CDH19: variants seen among roughly 807,000 people sequenced by gnomAD.
The protein encoded by CDH19 is cadherin-19.
CDH19 carries 67 observed loss-of-function variants against 64.2 expected under a neutral mutation model. That is an observed-to-expected ratio of 1.04 (90% CI 0.86 to 1.28). The LOEUF (loss-of-function observed/expected upper bound fraction) is 1.28. CDH19 is among the 50% of genes most tolerant of loss of function. The pLI is 0.00. For synonymous variants in CDH19, 346 were observed against 319.3 expected (o/e 1.08, Z -0.89); for missense variants, 1,030 against 929.0 (o/e 1.11, Z -1.41).
At chr18:66,534,000 T>C (rs1484458891) in intron 8 of CDH19, among the ~76,000 whole-genome samples, 1 of 151,902 alleles carries the variant, frequency 6.6e-6, no homozygotes, top group Non-Finnish European at 1.5e-5. Flanking sequence ...ATGGGCTTAA[T>C]GATGTAGAAT....
chr18:66,584,595 G>T (rs117680442), intron 1 of CDH19, among the ~76,000 whole-genome samples: 5 of 151,888 alleles, frequency 3.3e-5, no homozygotes, highest in African/African-American at 1.2e-4. Flanking sequence ...TACCATAAAG[G>T]TACACGAATG....
In CDH19 at chr18:66,550,081, A is replaced by G. The variant is rs183865386; in HGVS notation, c.775+1013T>C. 2.4e-4 allele frequency among the ~76,000 whole-genome samples: 36 copies of G among 152,268 alleles called. No individual in the cohort carries two copies. In the East Asian group the frequency reaches 4.1e-3, roughly 17 times the overall value. On this transcript the variant is annotated intron_variant, in intron 5 of 11. Coordinates refer to ENST00000262150, the MANE Select transcript of CDH19 (RefSeq NM_021153.4). Reference sequence around the variant, plus strand: ...TAACTAAGAAATCATGCTATGGTATATATTTTTATTGGCTCTTTTCTTTGT... The same window carrying G: ...TAACTAAGAAATCATGCTATGGTATGTATTTTTATTGGCTCTTTTCTTTGT...
rs1327559327 is a variant in CDH19, at chr18:66,544,093, A to G, written c.1092T>C (p.Val364=). Residue 364 remains valine, a synonymous_variant, in exon 7 of 12, where the codon GTT becomes GTC. Coordinates refer to ENST00000262150, the MANE Select transcript of CDH19 (RefSeq NM_021153.4). ...GAAGGAGGAAAAGAGGAGGCTCATC[A>G]ACATCTTCCACCTGGATCTTAATGA... ...TTFIKIQVED[V]DEPPLFLLPY... is the part of the protein sequence containing the mutation. 1 of 1,613,922 alleles carries G rather than the reference A, an allele frequency of 6.2e-7. No homozygotes were observed. Among genetic ancestry groups the G allele is most frequent in the African/African-American group, 1.3e-5 (1 of 74,890 alleles).
intron 5 of CDH19, among the ~76,000 whole-genome samples, chr18:66,550,118 T>C (rs1987286184): frequency 6.6e-6 from 1 of 152,152 alleles, no homozygotes; most frequent in African/African-American, 2.4e-5. Context: ...CCATGCTAAT[T>C]AAATTTTCTT....
At chr18:66,587,455 A>G (rs1053463044) in intron 1 of CDH19, among the ~76,000 whole-genome samples, 13 of 152,126 alleles carry the variant, frequency 8.5e-5, no homozygotes, top group African/African-American at 3.1e-4. Flanking sequence ...GACTAATCGG[A>G]TGAAATGGCT....
intron 9 of CDH19, among the ~76,000 whole-genome samples, chr18:66,521,530 T>A (rs200476309): frequency 2.2e-3 from 319 of 144,546 alleles, no homozygotes; most frequent in Middle Eastern, 7.1e-3. Context: ...TTATTTTGTT[T>A]GTTTGTTTGT....
rs1292222549 is a variant in CDH19 at position 66,568,662 on chromosome 18, A to G, written c.244T>C (p.Leu82=). ...NGNNSFQYKL[L]GAGAGSTFII... ...AAAGTACTTCCAGCTCCAGCTCCCA[A>G]AAGCTTGTACTGGAAAGAATTGTTT... The change falls in exon 3 of 12, where the codon TTG becomes CTG. Residue 82 remains leucine, a synonymous_variant. Coordinates refer to ENST00000262150, the MANE Select transcript of CDH19 (RefSeq NM_021153.4). The G allele has an allele frequency of 1.1e-5, 18 of 1,611,002 alleles. No individual in the cohort carries two copies. Among genetic ancestry groups the G allele is most frequent in the Non-Finnish European group, 1.5e-5 (18 of 1,178,530 alleles).
intron 5 of CDH19, among the ~76,000 whole-genome samples, chr18:66,548,803 T>C (rs1350344423): frequency 6.6e-6 from 1 of 152,166 alleles, no homozygotes; most frequent in Non-Finnish European, 1.5e-5. Flanking sequence ...AAAGGAAGAA[T>C]ACAAAGCATC....
intron 1 of CDH19, among the ~76,000 whole-genome samples, chr18:66,585,469 G>T (rs1168586165): frequency 6.6e-6 from 1 of 151,944 alleles, no homozygotes; most frequent in African/African-American, 2.4e-5. Context: ...CTCGACCTCT[G>T]GTTGTCTCAG....
intron 3 of CDH19, among the ~76,000 whole-genome samples, chr18:66,566,335 G>A (rs372841879): frequency 2.4e-5 from 2 of 83,222 alleles, no homozygotes; most frequent in South Asian, 3.4e-4. Context: ...CTTTTACTTT[G>A]CTTCAAATAA....
intron 1 of CDH19, among the ~76,000 whole-genome samples, chr18:66,575,228 G>C (rs1015253799): frequency 6.6e-6 from 1 of 151,734 alleles, no homozygotes; most frequent in Non-Finnish European, 1.5e-5. Flanking sequence ...CTGGGGTCGG[G>C]GGAGTGCAAG....
chr18:66,541,004 T>C (rs1303391167), intron 7 of CDH19, among the ~76,000 whole-genome samples: 2 of 152,184 alleles, frequency 1.3e-5, no homozygotes, highest in African/African-American at 2.4e-5. Context: ...CACTTTCAAG[T>C]CTAAATATTA....
At chr18:66,545,247 G>A (rs1428173429) in intron 5 of CDH19, among the ~76,000 whole-genome samples, 1 of 151,974 alleles carries the variant, frequency 6.6e-6, no homozygotes, top group Non-Finnish European at 1.5e-5. Context: ...CAAAGTGCTG[G>A]GATTTCAGAT....
At chr18:66,590,392 G>T (rs1166305707) in intron 1 of CDH19, among the ~76,000 whole-genome samples, 3 of 151,678 alleles carry the variant, frequency 2.0e-5, no homozygotes, top group Admixed American at 6.6e-5. Context: ...TGAGCATATT[G>T]AAGTTAAGTA....
chr18:66,585,906 G>A (rs903842800), intron 1 of CDH19, among the ~76,000 whole-genome samples: 1 of 151,956 alleles, frequency 6.6e-6, no homozygotes, highest in South Asian at 2.1e-4. Context: ...AGCTGAAAAT[G>A]AGCCCAGTGT....
At position 66,588,616 on chromosome 18, in the gene CDH19, A is replaced by ATC. The variant is rs1195244335; in HGVS notation, c.-113+15337_-113+15338insGA. ...TCATTTTTACTAATCATATATATCT[A>ATC]TATCTATATCTATATATATATAGAT... On this transcript the variant is annotated intron_variant, in intron 1 of 11. Transcript: ENST00000262150. Among the ~76,000 whole-genome samples the ATC allele has an allele frequency of 2.8e-4, 38 of 133,496 alleles. 1 individual carries two copies. The highest frequency in any genetic ancestry group is 9.5e-4 in the African/African-American group (37 of 38,846). The allele number at this position is 133,496 out of a possible 152,430, so 87.6% of individuals were successfully genotyped here.
At chr18:66,590,150 A>G (rs1319680226) in intron 1 of CDH19, among the ~76,000 whole-genome samples, 2 of 151,452 alleles carry the variant, frequency 1.3e-5, no homozygotes, top group Admixed American at 1.3e-4. Context: ...AGATAATCCC[A>G]CTCCACAGCT....
intron 3 of CDH19, among the ~76,000 whole-genome samples, chr18:66,557,544 T>A (rs1987563115): frequency 6.6e-6 from 1 of 151,984 alleles, no homozygotes. Context: ...CACTCACACA[T>A]GAATTTGATG....
At chr18:66,556,640 A>G (rs1987531208) in intron 3 of CDH19, among the ~76,000 whole-genome samples, 1 of 151,872 alleles carries the variant, frequency 6.6e-6, no homozygotes, top group African/African-American at 2.4e-5. Flanking sequence ...CTGTAAATAT[A>G]TGACACAGTT....
Sources: allele counts gnomAD v4.1 joint callset (sites outside exome capture counted in the v4.1 genomes callset), GRCh38; gene constraint gnomAD v4.1.1; transcripts MANE v1.5; gene names NCBI Gene and HGNC (gene_info 2026-07-23, HGNC 2026-07-21).